Variants in PCM1 observed in about 807,000 individuals in gnomAD.
PCM1 encodes pericentriolar material 1 protein.
PCM1 carries 157 observed loss-of-function variants against 241.9 expected under a neutral mutation model. That is an observed-to-expected ratio of 0.65 (90% CI 0.57 to 0.74). PCM1 has a LOEUF of 0.74. Ranked by LOEUF, PCM1 falls within the 30% of genes least tolerant of loss-of-function variation. PCM1 has a pLI of 0.00. For missense variants in PCM1, 3,478 were observed against 2,360.1 expected (o/e 1.47, Z -9.81); for synonymous variants, 1,085 against 784.9 (o/e 1.38, Z -6.39).
At position 17,939,806 on chromosome 8, in the gene PCM1, T is replaced by C. The variant is rs1327251530; in HGVS notation, c.728T>C (p.Ile243Thr). The change falls in exon 6 of 39, where the codon ATA (isoleucine) becomes ACA (threonine). Residue 243 changes from isoleucine to threonine, a missense_variant. Physicochemically the swap from Ile to Thr is moderately conservative, Grantham distance 89. Transcript: ENST00000325083. ...AATGTTGAGCGCCTTACTCATCTAA[T>C]AGATCACCTTAAAGAACAAGAGAAG... ...SANVERLTHL[I>T]DHLKEQEKSY... The C allele has an allele frequency of 6.5e-7, 1 of 1,538,604 alleles. No individual in the cohort carries two copies.
At chr8:17,942,921 C>T (rs963972468) in intron 6 of PCM1, among the ~76,000 whole-genome samples, 4 of 151,456 alleles carry the variant, frequency 2.6e-5, no homozygotes, top group Admixed American at 6.6e-5. Flanking sequence ...TGCTTGAACC[C>T]TGGAGGCGGA....
At chr8:17,960,215 G>C (rs565268432) in intron 14 of PCM1, 50 bp downstream of exon 14, 1 of 1,555,002 alleles carries the variant, frequency 6.4e-7, no homozygotes, top group African/African-American at 1.4e-5. Flanking sequence ...TTTAGTGCCT[G>C]TTTTGGAGAA....
chr8:18,019,923 G>C (rs1053395642), intron 36 of PCM1, among the ~76,000 whole-genome samples: 1 of 152,052 alleles, frequency 6.6e-6, no homozygotes, highest in Non-Finnish European at 1.5e-5. Context: ...ACAATCCAAG[G>C]GTTCCCTAGG....
intron 8 of PCM1, 92 bp from the exon 9 acceptor site, chr8:17,952,878 C>T: frequency 1.3e-6 from 1 of 781,574 alleles, no homozygotes; most frequent in Non-Finnish European, 2.0e-6. Context: ...ATTTCTTTCT[C>T]TTTATAAAGA....
intron 2 of PCM1, among the ~76,000 whole-genome samples, chr8:17,930,708 C>G (rs1052651341): frequency 2.8e-4 from 43 of 151,964 alleles, no homozygotes; most frequent in African/African-American, 9.9e-4. Flanking sequence ...GAAACCCTGT[C>G]TCTACTAAAG....
intron 21 of PCM1, among the ~76,000 whole-genome samples, chr8:17,968,322 T>G (rs896632874): frequency 1.3e-5 from 2 of 152,166 alleles, no homozygotes; most frequent in Non-Finnish European, 2.9e-5. Flanking sequence ...ATTGAAGGAC[T>G]TTGAGCAAGG....
At chr8:17,957,875 A>T (rs1250406405) in intron 13 of PCM1, 100 bp downstream of exon 13, 1 of 762,216 alleles carries the variant, frequency 1.3e-6, no homozygotes, top group Non-Finnish European at 2.1e-6. Flanking sequence ...ATACTAATAC[A>T]CATTTATGTA....
chr8:17,941,875 G>A (rs1049399967), intron 6 of PCM1, among the ~76,000 whole-genome samples: 11 of 151,960 alleles, frequency 7.2e-5, no homozygotes, highest in African/African-American at 2.7e-4. Flanking sequence ...CTCTAAATGA[G>A]CACTTCTTCT....
In PCM1 at chr8:18,009,543, A is replaced by G. The variant is rs2092132618; in HGVS notation, c.4963-4A>G. The G allele has an allele frequency of 6.3e-7, 1 of 1,579,390 alleles. No homozygotes were observed. Among genetic ancestry groups the G allele is most frequent in the Non-Finnish European group, 8.6e-7 (1 of 1,158,914 alleles). Reference sequence around the variant, plus strand: ...TAAAAATTATTTGGTTTATCTTTGAATAGGATTCACTGGCAAAATTTGCTG... The same window carrying G: ...TAAAAATTATTTGGTTTATCTTTGAGTAGGATTCACTGGCAAAATTTGCTG... On this transcript the variant is annotated splice_polypyrimidine_tract_variant and splice_region_variant and intron_variant, in intron 30 of 38. Coordinates refer to ENST00000325083, the MANE Select transcript of PCM1 (RefSeq NM_006197.4).
intron 6 of PCM1, among the ~76,000 whole-genome samples, chr8:17,941,881 C>A (rs2062179195): frequency 6.6e-6 from 1 of 151,980 alleles, no homozygotes; most frequent in South Asian, 2.1e-4. Context: ...ATGAGCACTT[C>A]TTCTGTTCAT....
Position 17,964,630 on chromosome 8 carries a change from G to A in PCM1, c.2717G>A (p.Gly906Asp). 6.2e-7 allele frequency: 1 copy of A among 1,613,922 alleles called. No homozygotes were observed. The highest frequency in any genetic ancestry group is 2.2e-5 in the East Asian group (1 of 44,876). Residue 906 changes from glycine to aspartate, a missense_variant, in exon 18 of 39, where the codon GGT becomes GAT. Transcript: ENST00000325083. ...CTAGATGAAGAAGGAGATGAAGACG[G>A]TTACCTTTCTGAAGGAATTGTTCGG... ...CALDEEGDED[G>D]YLSEGIVRTD...
At chr8:17,942,034 G>A (rs929929742) in intron 6 of PCM1, among the ~76,000 whole-genome samples, 5 of 151,944 alleles carry the variant, frequency 3.3e-5, no homozygotes, top group East Asian at 1.9e-4. Flanking sequence ...CCTCTCCATG[G>A]ATTATAGCTT....
rs1287910810 is a variant in PCM1, at chr8:18,028,153, GTTC to G, written c.*497_*499del. ...CAGTGTTGCTGCTGTTGGGTCTGAT[GTTC>G]TTCTTTTAGATACCTGCAGGTCCTA... is the stretch of plus-strand genomic sequence containing the variant. On this transcript the variant is annotated 3_prime_UTR_variant, in exon 39 of 39. Coordinates refer to ENST00000325083, the MANE Select transcript of PCM1 (RefSeq NM_006197.4). 5 of 196,032 alleles carry G rather than the reference GTTC, an allele frequency of 2.6e-5. No individual in the cohort carries two copies. In the South Asian group the frequency reaches 5.8e-4, roughly 23 times the overall value. 12.1% of individuals were successfully genotyped at this position (196,032 alleles called of 1,614,324 possible).
At chr8:17,955,792 CGTGT>C in intron 10 of PCM1, 139 bp downstream of exon 10, 1 of 697,070 alleles carries the variant, frequency 1.4e-6, no homozygotes, top group South Asian at 1.7e-5. Context: ...GTAGAAGAGG[CGTGT>C]GTGTGTTGTG....
At position 17,991,749 on chromosome 8, in the gene PCM1, G is replaced by C. The variant is rs750022836; in HGVS notation, c.4690+49G>C. On this transcript the variant is annotated intron_variant, in intron 28 of 38. Transcript: ENST00000325083. The stretch of plus-strand genomic sequence containing the variant: ...GTTTTTGGAGAACAGGTGGTGTTTG[G>C]TTACATGAATAAGTTCTTTAGTGGT... 63 of 1,375,300 alleles carry C rather than the reference G, an allele frequency of 4.6e-5. No homozygotes were observed. In the African/African-American group the frequency reaches 8.3e-4, roughly 18 times the overall value. 85.2% of individuals were successfully genotyped at this position (1,375,300 alleles called of 1,614,324 possible).
In PCM1 at chr8:18,000,632, G is replaced by T. The variant is rs114972453; in HGVS notation, c.4828-5631G>T. On this transcript the variant is annotated intron_variant, in intron 29 of 38. Transcript: ENST00000325083. The stretch of plus-strand genomic sequence containing the variant: ...GAGCTCTGTTTTTTTTGAGGGGGGT[G>T]GGGTTTGAGACAGAGGCTCACTCTT... Among the ~76,000 whole-genome samples the T allele has an allele frequency of 1.3e-3, 198 of 151,722 alleles. 2 individuals are homozygous for T. The highest frequency in any genetic ancestry group is 4.6e-3 in the African/African-American group (189 of 41,380).
intron 36 of PCM1, among the ~76,000 whole-genome samples, chr8:18,024,426 G>T (rs1323553071): frequency 6.6e-6 from 1 of 152,052 alleles, no homozygotes; most frequent in Admixed American, 6.6e-5. Context: ...TAGAAAGGGG[G>T]CTTATAATCT....
chr8:17,990,484 G>A (rs1424719269), intron 27 of PCM1, among the ~76,000 whole-genome samples: 3 of 149,582 alleles, frequency 2.0e-5, no homozygotes, highest in Non-Finnish European at 4.4e-5. Flanking sequence ...TGTTTGTTTG[G>A]GTTTTTTTTT....
intron 22 of PCM1, among the ~76,000 whole-genome samples, chr8:17,969,996 C>G (rs1485798502): frequency 6.6e-6 from 1 of 152,068 alleles, no homozygotes; most frequent in Non-Finnish European, 1.5e-5. Context: ...TAATTTGATA[C>G]CTGTCTTTAC....
Sources: allele counts gnomAD v4.1 joint callset (sites outside exome capture counted in the v4.1 genomes callset), GRCh38; gene constraint gnomAD v4.1.1; transcripts MANE v1.5; gene names NCBI Gene and HGNC (gene_info 2026-07-23, HGNC 2026-07-21).